KLF7: variants seen among roughly 807,000 people sequenced by gnomAD.
The protein encoded by KLF7 is Krueppel-like factor 7.
KLF7 carries 2 observed loss-of-function variants against 27.3 expected under a neutral mutation model. The observed-to-expected ratio is 0.07, with a 90% CI of 0.03 to 0.23. The LOEUF (loss-of-function observed/expected upper bound fraction) is 0.23. Ranked by LOEUF, KLF7 falls within the 10% of genes least tolerant of loss-of-function variation. The pLI is 1.00. For synonymous variants in KLF7, 165 were observed against 162.4 expected (o/e 1.02, Z -0.12); for missense variants, 221 against 394.1 (o/e 0.56, Z 3.72).
In KLF7 at chr2:207,165,684, T is replaced by C; in HGVS notation, c.-116A>G. 1.3e-6 allele frequency: 2 copies of C among 1,516,536 alleles called. No individual in the cohort carries two copies. Among genetic ancestry groups the C allele is most frequent in the East Asian group, 2.3e-5 (1 of 43,698 alleles). 93.9% of individuals were successfully genotyped at this position (1,516,536 alleles called of 1,614,324 possible). On this transcript the variant is annotated 5_prime_UTR_variant, in exon 1 of 4. Coordinates refer to ENST00000309446, the MANE Select transcript of KLF7 (RefSeq NM_003709.4). The stretch of plus-strand genomic sequence containing the variant: ...AGAAGGCAGACATCCAGTGGCCCTT[T>C]TGTTTTGTTTTGTTTCAGTCAACTA...
chr2:207,088,832 C>T (rs2076447714), intron 2 of KLF7, among the ~76,000 whole-genome samples: 1 of 152,094 alleles, frequency 6.6e-6, no homozygotes, highest in East Asian at 1.9e-4. Context: ...CTGGAGCTGT[C>T]ATTTTAGTTC....
chr2:207,129,744 A>ATC (rs34737068), intron 1 of KLF7, among the ~76,000 whole-genome samples: 1 of 151,732 alleles, frequency 6.6e-6, no homozygotes, highest in Non-Finnish European at 1.5e-5. Flanking sequence ...TTTCCTCTCC[A>ATC]TGTTTATTTA....
intron 2 of KLF7, among the ~76,000 whole-genome samples, chr2:207,107,248 C>T (rs562442526): frequency 1.3e-5 from 2 of 152,206 alleles, no homozygotes; most frequent in African/African-American, 2.4e-5. Context: ...CCCACAGCTG[C>T]TGTGGCATCG....
At chr2:207,114,006 T>C (rs983511178) in intron 2 of KLF7, among the ~76,000 whole-genome samples, 4 of 152,204 alleles carry the variant, frequency 2.6e-5, no homozygotes, top group African/African-American at 4.8e-5. Flanking sequence ...GCCAGCAAAT[T>C]GCCCTCTGCC....
intron 2 of KLF7, among the ~76,000 whole-genome samples, chr2:207,106,153 T>G (rs1482414161): frequency 6.6e-6 from 1 of 152,214 alleles, no homozygotes; most frequent in African/African-American, 2.4e-5. Flanking sequence ...GAAAGTGGTC[T>G]TAAGAGATCA....
At chr2:207,166,920 TCCCCG>T (rs1207218046), upstream of KLF7, 133 of 995,364 alleles carry the variant, frequency 1.3e-4, no homozygotes, top group Non-Finnish European at 1.6e-4. Flanking sequence ...TTGCGCACAG[TCCCCG>T]CCCCGCCCCG....
chr2:207,152,255 T>C (rs912548033), intron 1 of KLF7, among the ~76,000 whole-genome samples: 1 of 150,548 alleles, frequency 6.6e-6, no homozygotes, highest in African/African-American at 2.5e-5. Flanking sequence ...AACTAAGAAC[T>C]GGTTACATGT....
At chr2:207,091,011 T>G (rs2076499205) in intron 2 of KLF7, among the ~76,000 whole-genome samples, 1 of 152,054 alleles carries the variant, frequency 6.6e-6, no homozygotes, top group Non-Finnish European at 1.5e-5. Flanking sequence ...ACACTTCCAA[T>G]GCAATGAGGC....
chr2:207,151,368 C>T (rs1311235153), intron 1 of KLF7, among the ~76,000 whole-genome samples: 1 of 151,476 alleles, frequency 6.6e-6, no homozygotes, highest in Non-Finnish European at 1.5e-5. Flanking sequence ...CTCTGAAGCT[C>T]AGGCCAGTTA....
intron 2 of KLF7, chr2:207,122,043 C>G (rs914619633): frequency 2.6e-5 from 4 of 152,242 alleles, no homozygotes; most frequent in Non-Finnish European, 1.5e-5. Context: ...GTCATGCACT[C>G]CAGCCTGGGA....
At chr2:207,147,352 A>G (rs2078123634) in intron 1 of KLF7, among the ~76,000 whole-genome samples, 1 of 152,210 alleles carries the variant, frequency 6.6e-6, no homozygotes, top group Non-Finnish European at 1.5e-5. Context: ...AAAAACATTG[A>G]AACAGAACAG....
chr2:207,082,219 AAAC>A (rs1458222134), intron 3 of KLF7, among the ~76,000 whole-genome samples: 2 of 152,162 alleles, frequency 1.3e-5, no homozygotes, highest in Non-Finnish European at 2.9e-5. Flanking sequence ...GTACTCTGCT[AAAC>A]AACAGCCATG....
chr2:207,144,161 G>C (rs1051507555), intron 1 of KLF7, among the ~76,000 whole-genome samples: 78 of 54,674 alleles, frequency 1.4e-3, no homozygotes, highest in African/African-American at 5.7e-3. Flanking sequence ...CGTCACAGCG[G>C]GGGGGAGAAA....
Position 207,137,034 on chromosome 2 carries a change from A to G in KLF7, c.103-12630T>C, listed in dbSNP as rs188053852. On this transcript the variant is annotated intron_variant, in intron 1 of 3. Transcript: ENST00000309446. ...CACAAAGAGGGCTTTTCTCCTCAGC[A>G]GTCCATATTGCATCATGCATTCACT... is the stretch of plus-strand genomic sequence containing the variant. Among the ~76,000 whole-genome samples, 85 of 152,268 alleles carry G rather than the reference A, an allele frequency of 5.6e-4. No individual in the cohort carries two copies. The East Asian group carries it at 0.016, about 28-fold the overall frequency.
At chr2:207,087,952 C>A (rs1301916010) in intron 3 of KLF7, among the ~76,000 whole-genome samples, 1 of 152,164 alleles carries the variant, frequency 6.6e-6, no homozygotes, top group Non-Finnish European at 1.5e-5. Flanking sequence ...TCTGGGCCCC[C>A]AAAGAATGGG....
intron 1 of KLF7, among the ~76,000 whole-genome samples, chr2:207,145,416 T>A (rs1574558485): frequency 1.3e-5 from 2 of 152,224 alleles, no homozygotes; most frequent in East Asian, 1.9e-4. Context: ...GTATGACAAC[T>A]TTTTTGCTTA....
intron 2 of KLF7, among the ~76,000 whole-genome samples, chr2:207,089,853 A>C (rs966292934): frequency 6.6e-6 from 1 of 152,150 alleles, no homozygotes; most frequent in African/African-American, 2.4e-5. Flanking sequence ...AAACCGCCAA[A>C]CTCAAAGTTT....
chr2:207,106,718 G>A (rs2076893067), intron 2 of KLF7, among the ~76,000 whole-genome samples: 1 of 152,166 alleles, frequency 6.6e-6, no homozygotes, highest in African/African-American at 2.4e-5. Context: ...CAGAAGAAGT[G>A]CCTCAAGATT....
chr2:207,171,472 A>T (rs1458290272), upstream of KLF7, among the ~76,000 whole-genome samples: 1 of 152,212 alleles, frequency 6.6e-6, no homozygotes, highest in Non-Finnish European at 1.5e-5. Flanking sequence ...TTTTGGTAAC[A>T]TGCTATCAAA....
Sources: gnomAD v4.1 joint callset for allele counts (sites outside exome capture counted in the v4.1 genomes callset) on GRCh38, gnomAD v4.1.1 for gene constraint, MANE v1.5 for transcripts, NCBI Gene and HGNC (gene_info 2026-07-23, HGNC 2026-07-21) for gene names.